The following HDAC9 variants were observed in gnomAD, a reference collection of about 807,000 sequenced individuals.
The protein encoded by HDAC9 is histone deacetylase 9.
Under a neutral mutation model 139.4 loss-of-function variants are expected in HDAC9, and 41 were observed. That is an observed-to-expected ratio of 0.29 (90% CI 0.23 to 0.38). The LOEUF is 0.38. HDAC9 is among the 10% of genes least tolerant of loss of function. The probability of loss-of-function intolerance (pLI) is 1.00; values close to 1 mark genes in which losing one functional copy is unlikely to be tolerated. For missense variants in HDAC9, 1,147 were observed against 1,297.0 expected (o/e 0.88, Z 1.78); for synonymous variants, 517 against 476.2 (o/e 1.09, Z -1.12).
chr7:18,509,863 A>T (rs1385259827), intron 2 of HDAC9, among the ~76,000 whole-genome samples: 2 of 151,852 alleles, frequency 1.3e-5, no homozygotes, highest in Non-Finnish European at 2.9e-5. Context: ...TCATCCCCCC[A>T]ATTAGTTATA....
chr7:18,242,402 G>T (rs938685630), intron 2 of HDAC9, among the ~76,000 whole-genome samples: 1 of 152,152 alleles, frequency 6.6e-6, no homozygotes, highest in South Asian at 2.1e-4. Context: ...TTTGTTCTGA[G>T]AAAAATGACT....
chr7:18,828,033 ATTTG>A (rs1795582483), intron 17 of HDAC9, among the ~76,000 whole-genome samples: 2 of 152,124 alleles, frequency 1.3e-5, no homozygotes, highest in African/African-American at 2.4e-5. Context: ...TATGATTCTA[ATTTG>A]TTTATTAGTG....
At chr7:18,210,052 C>T (rs1408055473) in intron 2 of HDAC9, among the ~76,000 whole-genome samples, 1 of 151,296 alleles carries the variant, frequency 6.6e-6, no homozygotes, top group East Asian at 1.9e-4. Flanking sequence ...CTCTTTTTGA[C>T]TGCTAAGGAT....
chr7:18,700,279 G>T (rs1783368878), intron 12 of HDAC9, among the ~76,000 whole-genome samples: 3 of 152,190 alleles, frequency 2.0e-5, no homozygotes, highest in African/African-American at 7.2e-5. Flanking sequence ...TAGAATTTCT[G>T]TGAAATGCAG....
At position 18,610,991 on chromosome 7, in the gene HDAC9, C is replaced by T. The variant is rs801514; in HGVS notation, c.664+16962C>T. ...CATTCTTTCCTGTTTATTTAAAAAC[C>T]GCTGCTAACAACACAATAGAGTCAT... is the stretch of plus-strand genomic sequence containing the variant. On this transcript the variant is annotated intron_variant, in intron 6 of 25. Coordinates refer to ENST00000686413, the MANE Select transcript of HDAC9 (RefSeq NM_178425.4). 6.6e-3 allele frequency among the ~76,000 whole-genome samples: 1,003 copies of T among 152,132 alleles called. 14 individuals are homozygous for T. The highest frequency in any genetic ancestry group is 0.023 in the African/African-American group (953 of 41,490).
chr7:18,204,301 T>C (rs1791342579), intron 2 of HDAC9, among the ~76,000 whole-genome samples: 2 of 151,630 alleles, frequency 1.3e-5, no homozygotes, highest in African/African-American at 2.4e-5. Context: ...TATTACAAAT[T>C]ATGGCACCAC....
chr7:18,118,803 A>C (rs1361130306), intron 1 of HDAC9, among the ~76,000 whole-genome samples: 1 of 152,198 alleles, frequency 6.6e-6, no homozygotes, highest in East Asian at 1.9e-4. Flanking sequence ...ACATGGATTA[A>C]TTTATCAGAT....
chr7:18,273,661 A>T (rs1796531283), intron 2 of HDAC9, among the ~76,000 whole-genome samples: 1 of 152,204 alleles, frequency 6.6e-6, no homozygotes, highest in Non-Finnish European at 1.5e-5. Context: ...TATAAACAAC[A>T]TTTTAAAAAG....
chr7:18,934,637 T>C (rs950525948), intron 22 of HDAC9, among the ~76,000 whole-genome samples: 26 of 152,096 alleles, frequency 1.7e-4, no homozygotes, highest in African/African-American at 6.3e-4. Flanking sequence ...GAAAACACAA[T>C]AAGATGCCAT....
At chr7:18,340,260 A>G (rs1487239118) in intron 1 of HDAC9, among the ~76,000 whole-genome samples, 2 of 151,562 alleles carry the variant, frequency 1.3e-5, no homozygotes, top group African/African-American at 4.8e-5. Context: ...TATTTGAGTC[A>G]TATTTATAAT....
intron 14 of HDAC9, 145 bp downstream of exon 14, chr7:18,749,283 G>T (rs1562910877): frequency 1.0e-5 from 9 of 898,418 alleles, no homozygotes; most frequent in Non-Finnish European, 8.4e-6. Flanking sequence ...AGGTAGCACA[G>T]AGCTTACCAC....
intron 1 of HDAC9, among the ~76,000 whole-genome samples, chr7:18,339,526 C>G (rs11761587): frequency 6.6e-6 from 1 of 151,160 alleles, no homozygotes. Flanking sequence ...GTAATAGATA[C>G]GATAATTTGC....
At chr7:18,478,967 T>C (rs1165432642) in intron 1 of HDAC9, among the ~76,000 whole-genome samples, 1 of 152,146 alleles carries the variant, frequency 6.6e-6, no homozygotes, top group Admixed American at 6.5e-5. Context: ...AACTTTATTA[T>C]TGGGTTGTCT....
At chr7:18,554,327 CTTTTTT>C (rs34326798) in intron 2 of HDAC9, among the ~76,000 whole-genome samples, 101 of 58,328 alleles carry the variant, frequency 1.7e-3, no homozygotes, top group African/African-American at 7.0e-3. Flanking sequence ...TTACAGATCA[CTTTTTT>C]TTTTTTTTTT....
At chr7:18,442,096 A>T (rs1403647165) in intron 1 of HDAC9, among the ~76,000 whole-genome samples, 1 of 152,168 alleles carries the variant, frequency 6.6e-6, no homozygotes, top group Non-Finnish European at 1.5e-5. Context: ...GAAGAGATAC[A>T]GTGACATAGA....
chr7:18,816,150 G>A (rs2588630), intron 17 of HDAC9, among the ~76,000 whole-genome samples: 1,688 of 152,284 alleles, frequency 0.011, 30 homozygotes, highest in African/African-American at 0.039. Context: ...TATTGACTGA[G>A]TGATCCTCTT....
At chr7:18,401,635 T>C (rs1259066279) in intron 1 of HDAC9, among the ~76,000 whole-genome samples, 1 of 152,202 alleles carries the variant, frequency 6.6e-6, no homozygotes, top group Non-Finnish European at 1.5e-5. Flanking sequence ...ACAACCTGCA[T>C]TGGTTTTTGC....
At chr7:18,707,874 T>G (rs1784056743) in intron 12 of HDAC9, among the ~76,000 whole-genome samples, 1 of 151,844 alleles carries the variant, frequency 6.6e-6, no homozygotes, top group African/African-American at 2.4e-5. Flanking sequence ...TGTGTGTGTG[T>G]GTATGCACGT....
At chr7:18,818,771 A>G (rs1794754513) in intron 17 of HDAC9, among the ~76,000 whole-genome samples, 1 of 152,144 alleles carries the variant, frequency 6.6e-6, no homozygotes, top group Admixed American at 6.5e-5. Context: ...TTTGAAGCCT[A>G]AATTACTCCA....
Sources: gnomAD v4.1 joint callset for allele counts (sites outside exome capture counted in the v4.1 genomes callset) on GRCh38, gnomAD v4.1.1 for gene constraint, MANE v1.5 for transcripts, NCBI Gene and HGNC (gene_info 2026-07-23, HGNC 2026-07-21) for gene names.